CRTAC1: variants seen among roughly 807,000 people sequenced by gnomAD.
CRTAC1 encodes the protein cartilage acidic protein 1, also known as acidic secreted protein in cartilage.
CRTAC1 carries 37 observed loss-of-function variants against 67.8 expected under a neutral mutation model. The ratio of observed to expected loss-of-function variants is 0.55; its 90% CI spans 0.42 to 0.72. The LOEUF (loss-of-function observed/expected upper bound fraction) is 0.72, where lower values mean the gene tolerates loss of function less well. CRTAC1 is among the 30% of genes least tolerant of loss of function. The probability of loss-of-function intolerance (pLI) is 0.00; values close to 1 mark genes in which losing one functional copy is unlikely to be tolerated. For missense variants in CRTAC1, 780 were observed against 931.6 expected, an observed-to-expected ratio of 0.84 and a Z score of 2.12; for synonymous variants, 348 against 371.0, an observed-to-expected ratio of 0.94 and a Z score of 0.71.
intron 2 of CRTAC1, among the ~76,000 whole-genome samples, chr10:98,005,096 ATATATTTTT>A (rs1408034282): frequency 6.1e-5 from 2 of 33,018 alleles, no homozygotes; most frequent in African/African-American, 2.2e-4. Flanking sequence ...ATATATATAT[ATATATTTTT>A]TTTTTTTTTT....
intron 5 of CRTAC1, among the ~76,000 whole-genome samples, chr10:97,911,737 CAAAGGCCAATTA>C (rs2050690909): frequency 6.6e-6 from 1 of 152,234 alleles, no homozygotes; most frequent in Non-Finnish European, 1.5e-5. Flanking sequence ...AGGCCAATGT[CAAAGGCCAATTA>C]TTCAGCAAAT....
intron 2 of CRTAC1, among the ~76,000 whole-genome samples, chr10:98,010,905 C>T (rs1356743238): frequency 2.0e-5 from 3 of 152,174 alleles, no homozygotes; most frequent in Non-Finnish European, 2.9e-5. Context: ...GGATCAAACA[C>T]CCTTCTTCCA....
chr10:97,924,585 C>A (rs185034579), intron 3 of CRTAC1, among the ~76,000 whole-genome samples: 2,285 of 152,300 alleles, frequency 0.015, 47 homozygotes, highest in Non-Finnish European at 0.02. Context: ...AGACTCGAGG[C>A]ATGCTGCCCA....
At chr10:97,971,041 G>A (rs906003157) in intron 2 of CRTAC1, among the ~76,000 whole-genome samples, 2 of 152,208 alleles carry the variant, frequency 1.3e-5, no homozygotes, top group African/African-American at 4.8e-5. Context: ...ACAATGACAT[G>A]CTACATCGCT....
chr10:97,866,774 G>A (rs1356108180), intron 14 of CRTAC1: 1 of 152,234 alleles, frequency 6.6e-6, no homozygotes, highest in Non-Finnish European at 1.5e-5. Context: ...GCACAAGCAT[G>A]TGTGTATGAG....
chr10:98,020,980 G>T (rs1440264105), intron 1 of CRTAC1, among the ~76,000 whole-genome samples: 3 of 152,070 alleles, frequency 2.0e-5, no homozygotes, highest in Non-Finnish European at 4.4e-5. Flanking sequence ...TGTGGCCCAA[G>T]TGAGCAAGAA....
intron 7 of CRTAC1, among the ~76,000 whole-genome samples, chr10:97,903,171 T>C (rs1299065942): frequency 2.0e-5 from 3 of 149,786 alleles, no homozygotes; most frequent in Admixed American, 6.7e-5. Context: ...TTAACAGGGT[T>C]CCTCACCCTC....
chr10:97,925,870 C>T (rs2050909205), intron 3 of CRTAC1, among the ~76,000 whole-genome samples: 2 of 151,984 alleles, frequency 1.3e-5, no homozygotes, highest in South Asian at 2.1e-4. Flanking sequence ...TGTAAGTGAC[C>T]CCTTGACCCC....
rs1470120458 is a variant in CRTAC1 at position 97,975,091 on chromosome 10, G to A, written c.224+36047C>T. On this transcript the variant is annotated intron_variant, in intron 2 of 14. Transcript: ENST00000370597. This position sits in a 1 kb window ranked among gnomAD's most constrained non-coding sequence, Gnocchi z 4.8. ...GTGGCGGTGGAGGGCCGGCCCGGGAGGAGCGGCGGAGGGGCCGGAGCCTAC... is the reference window on the plus strand; with the variant it reads ...GTGGCGGTGGAGGGCCGGCCCGGGAAGAGCGGCGGAGGGGCCGGAGCCTAC... Among the ~76,000 whole-genome samples, 1 of 152,166 alleles carries A rather than the reference G, an allele frequency of 6.6e-6. No individual in the cohort carries two copies. Among genetic ancestry groups the A allele is most frequent in the Non-Finnish European group, 1.5e-5 (1 of 68,026 alleles).
In CRTAC1 at chr10:97,895,961, C is replaced by G; in HGVS notation, c.1241G>C (p.Gly414Ala). The change falls in exon 10 of 15, where the codon GGA (glycine) becomes GCA (alanine). Residue 414 changes from glycine (G) to alanine (A), a missense_variant. Physicochemically the swap from Gly to Ala is moderately conservative, Grantham distance 60 (BLOSUM62 0). Coordinates refer to ENST00000370597, the MANE Select transcript of CRTAC1 (RefSeq NM_018058.7). The surrounding 1 kb of genome is among the most constrained non-coding windows in gnomAD (Gnocchi z 4.2). ...GTGGVVTDFDGDGMLDLILSH... is the reference protein window; with the variant it reads ...GTGGVVTDFDADGMLDLILSH... The stretch of plus-strand genomic sequence containing the variant: ...CAAGATGAGGTCCAGCATCCCGTCT[C>G]CGTCGAAGTCGGTCACCACACCCCC... 1 of 1,614,138 alleles carries G rather than the reference C, an allele frequency of 6.2e-7. No homozygotes were observed. The highest frequency in any genetic ancestry group is 8.5e-7 in the Non-Finnish European group (1 of 1,179,980).
intron 2 of CRTAC1, among the ~76,000 whole-genome samples, chr10:98,003,926 T>G (rs779248687): frequency 6.6e-6 from 1 of 152,144 alleles, no homozygotes; most frequent in Non-Finnish European, 1.5e-5. Flanking sequence ...TGCCCAGGAC[T>G]GGGGAGAAGG....
chr10:98,005,856 T>C (rs1477721193), intron 2 of CRTAC1, among the ~76,000 whole-genome samples: 2 of 152,218 alleles, frequency 1.3e-5, no homozygotes, highest in African/African-American at 2.4e-5. Flanking sequence ...TTTTAAATAA[T>C]TCAATTAACT....
intron 2 of CRTAC1, among the ~76,000 whole-genome samples, chr10:97,959,904 T>C (rs1299425680): frequency 6.6e-6 from 1 of 152,272 alleles, no homozygotes; most frequent in Admixed American, 6.5e-5. Flanking sequence ...AGCAACGAGT[T>C]GTGACAACAT....
At position 97,923,098 on chromosome 10, in the gene CRTAC1, AG is replaced by A. The variant is rs199577270; in HGVS notation, c.558+165del. ...GGCTGCATGGGAGACAGGATGTGAAAGGTACATAGGAATGCATTCTGCAAGT... is the reference window on the plus strand; with the variant it reads ...GGCTGCATGGGAGACAGGATGTGAAAGTACATAGGAATGCATTCTGCAAGT... On this transcript the variant is annotated intron_variant, in intron 4 of 14. Transcript: ENST00000370597. 6.2e-3 allele frequency among the ~76,000 whole-genome samples: 949 copies of A among 152,270 alleles called. 5 individuals are homozygous for A. The highest frequency in any genetic ancestry group is 0.014 in the Middle Eastern group (4 of 294).
chr10:97,949,932 T>C (rs2051324492), intron 2 of CRTAC1, among the ~76,000 whole-genome samples: 1 of 152,200 alleles, frequency 6.6e-6, no homozygotes, highest in Non-Finnish European at 1.5e-5. Context: ...TGTCTGTCTT[T>C]TTCTCCTTAT....
intron 11 of CRTAC1, among the ~76,000 whole-genome samples, chr10:97,890,117 A>ACACACACT (rs1491213037): frequency 9.9e-5 from 14 of 141,684 alleles, no homozygotes; most frequent in Admixed American, 9.2e-4. Context: ...ACACACACAC[A>ACACACACT]CTCTCACACG....
intron 5 of CRTAC1, among the ~76,000 whole-genome samples, chr10:97,912,317 C>A (rs2050697886): frequency 6.6e-6 from 1 of 152,148 alleles, no homozygotes; most frequent in Non-Finnish European, 1.5e-5. Context: ...CTGCTCCTCC[C>A]TGCCCATCCC....
At chr10:98,023,667 AAG>A (rs1182288295) in intron 1 of CRTAC1, among the ~76,000 whole-genome samples, 1 of 152,196 alleles carries the variant, frequency 6.6e-6, no homozygotes, top group Non-Finnish European at 1.5e-5. Context: ...CCCTTAGAGG[AAG>A]AGACTGCCGG....
chr10:98,009,562 T>A (rs1842867460), intron 2 of CRTAC1, among the ~76,000 whole-genome samples: 2 of 152,238 alleles, frequency 1.3e-5, no homozygotes, highest in South Asian at 4.1e-4. Context: ...AAAGTGGGTC[T>A]GTGTAAAGTA....
Sources: allele counts gnomAD v4.1 joint callset (sites outside exome capture counted in the v4.1 genomes callset), GRCh38; gene constraint gnomAD v4.1.1; non-coding constraint Gnocchi (gnomAD v3.1); transcripts MANE v1.5; gene names NCBI Gene and HGNC (gene_info 2026-07-23, HGNC 2026-07-21).